The following PRKCZ variants were observed in gnomAD, a reference collection of about 807,000 sequenced individuals.
PRKCZ encodes the protein protein kinase C zeta.
Under a neutral mutation model 79.5 loss-of-function variants are expected in PRKCZ, and 33 were observed. That is an observed-to-expected ratio of 0.41 (90% CI 0.31 to 0.55). The LOEUF is 0.55. Among genes scored for constraint, PRKCZ ranks in the 20% least tolerant of loss-of-function variants. The pLI is 0.19. For synonymous variants in PRKCZ, 342 were observed against 320.9 expected, an observed-to-expected ratio of 1.07 and a Z score of -0.70; for missense variants, 578 against 813.5, an observed-to-expected ratio of 0.71 and a Z score of 3.52.
intron 2 of PRKCZ, 24 bp from the exon 3 acceptor site, chr1:2,056,460 A>T (rs770605432): frequency 1.2e-6 from 2 of 1,608,468 alleles, no homozygotes; most frequent in Non-Finnish European, 1.7e-6. Flanking sequence ...CGGCGACGTC[A>T]GCACCGTCTC....
intron 16 of PRKCZ, 89 bp downstream of exon 16, chr1:2,175,402 C>A: frequency 1.0e-6 from 1 of 986,866 alleles, no homozygotes; most frequent in Non-Finnish European, 1.5e-6. Context: ...CCCCAATATT[C>A]ACCCAACCCC....
chr1:2,132,668 G>T (rs570292049), intron 4 of PRKCZ, among the ~76,000 whole-genome samples: 1 of 152,344 alleles, frequency 6.6e-6, no homozygotes, highest in African/African-American at 2.4e-5. Context: ...GGATTTTTCA[G>T]TCCAGCATCC....
intron 4 of PRKCZ, among the ~76,000 whole-genome samples, chr1:2,107,313 C>G (rs996047308): frequency 6.6e-6 from 1 of 152,248 alleles, no homozygotes; most frequent in Admixed American, 6.5e-5. Context: ...TCCTCCCTCT[C>G]CTGAGGCAGG....
chr1:2,090,904 T>A (rs2102479958), intron 4 of PRKCZ, among the ~76,000 whole-genome samples: 1 of 152,366 alleles, frequency 6.6e-6, no homozygotes, highest in South Asian at 2.1e-4. Context: ...GGACCTCAGT[T>A]TTCTTGACAT....
At chr1:2,140,875 G>C (rs1677177855) in intron 5 of PRKCZ, among the ~76,000 whole-genome samples, 1 of 152,202 alleles carries the variant, frequency 6.6e-6, no homozygotes, top group African/African-American at 2.4e-5. Context: ...GGCTGAGACA[G>C]GAGAATCGCT....
At chr1:2,120,899 C>T (rs192015238) in intron 4 of PRKCZ, among the ~76,000 whole-genome samples, 179 of 150,118 alleles carry the variant, frequency 1.2e-3, no homozygotes, top group South Asian at 5.5e-3. Flanking sequence ...CTGCAACCTC[C>T]GCCTCCCAGG....
chr1:2,151,816 C>T (rs1277603466), intron 9 of PRKCZ, among the ~76,000 whole-genome samples: 1 of 152,040 alleles, frequency 6.6e-6, no homozygotes, highest in African/African-American at 2.4e-5. Flanking sequence ...CCACCACCCC[C>T]AGCTGTATAA....
In PRKCZ at chr1:2,125,037, G is replaced by T. The variant is rs192072767; in HGVS notation, c.335-10225G>T. The stretch of plus-strand genomic sequence containing the variant: ...GCACGTCCTCCCAGGGGCCTTGCCA[G>T]CCTGGCTCTGTGCCGGGCGCTGGGC... On this transcript the variant is annotated intron_variant, in intron 4 of 17. Transcript: ENST00000378567. This position sits in a 1 kb window ranked among gnomAD's most constrained non-coding sequence, Gnocchi z 4.2. 6.6e-6 allele frequency among the ~76,000 whole-genome samples: 1 copy of T among 152,324 alleles called. No individual in the cohort carries two copies. Among genetic ancestry groups the T allele is most frequent in the African/African-American group, 2.4e-5 (1 of 41,586 alleles).
chr1:2,069,990 C>G (rs989740549), intron 4 of PRKCZ, among the ~76,000 whole-genome samples: 1 of 152,140 alleles, frequency 6.6e-6, no homozygotes, highest in East Asian at 1.9e-4. Context: ...GGTAGCCTGG[C>G]TTTGCACCCA....
chr1:2,055,647 A>G, intron 2 of PRKCZ, 85 bp downstream of exon 2: 1 of 1,506,770 alleles, frequency 6.6e-7, no homozygotes, highest in South Asian at 1.3e-5. Flanking sequence ...GTGCTCAGCC[A>G]ATTCTGTGGG....
rs1571415338 is a variant in PRKCZ at position 2,106,467 on chromosome 1, CCAG to C, written c.335-28794_335-28792del. On this transcript the variant is annotated intron_variant, in intron 4 of 17. Transcript: ENST00000378567. ...GCCAGGCGACTCTCAGCAAGCCCCT[CCAG>C]TGGGCGAGGACCTCCACACGTGTCA... Among the ~76,000 whole-genome samples the C allele has an allele frequency of 8.1e-5, 12 of 147,972 alleles. 1 individual carries two copies. The highest frequency in any genetic ancestry group is 1.3e-4 in the Admixed American group (2 of 14,978).
In PRKCZ at chr1:2,094,273, C is replaced by T. The variant is rs1195574041; in HGVS notation, c.334+34682C>T. Among the ~76,000 whole-genome samples the T allele has an allele frequency of 1.3e-5, 2 of 152,170 alleles. No homozygotes were observed. Among genetic ancestry groups the T allele is most frequent in the African/African-American group, 2.4e-5 (1 of 41,416 alleles). On this transcript the variant is annotated intron_variant, in intron 4 of 17. Coordinates refer to ENST00000378567, the MANE Select transcript of PRKCZ (RefSeq NM_002744.6). This position sits in a 1 kb window ranked among gnomAD's most constrained non-coding sequence, Gnocchi z 7.3. ...CCTGGTGACCCGAGGGTACCCTCGG[C>T]CTCCCGGCCTGAACTCTTCTCCTAC...
chr1:2,184,544 C>G, intron 16 of PRKCZ, 39 bp from the exon 17 acceptor site: 1 of 1,508,844 alleles, frequency 6.6e-7, no homozygotes, highest in Non-Finnish European at 9.2e-7. Context: ...AGGGATGATG[C>G]CCGCGCGGAG....
intron 7 of PRKCZ, among the ~76,000 whole-genome samples, chr1:2,146,753 C>T (rs929829127): frequency 3.9e-5 from 6 of 152,172 alleles, no homozygotes; most frequent in African/African-American, 4.8e-5. Context: ...ACATAAAGCA[C>T]TTATGAGACC....
intron 9 of PRKCZ, among the ~76,000 whole-genome samples, chr1:2,154,189 A>G (rs749934954): frequency 6.6e-6 from 1 of 152,188 alleles, no homozygotes; most frequent in Admixed American, 6.5e-5. Context: ...GTCTTCAGCC[A>G]CTGGAGATGG....
intron 16 of PRKCZ, among the ~76,000 whole-genome samples, chr1:2,181,516 G>A (rs921510521): frequency 1.7e-4 from 26 of 152,220 alleles, no homozygotes; most frequent in Non-Finnish European, 3.1e-4. Flanking sequence ...AGGGGGCGGC[G>A]GTGGGAAAAG....
Position 2,158,697 on chromosome 1 carries a change from G to A in PRKCZ, c.974+2605G>A, listed in dbSNP as rs1229436513. ...TTGTAGGGATGTAGATGTATAAGGG[G>A]TCCGATATCCCACCCTCACTTCCCC... On this transcript the variant is annotated intron_variant, in intron 10 of 17. Transcript: ENST00000378567. 2.0e-5 allele frequency among the ~76,000 whole-genome samples: 3 copies of A among 152,144 alleles called. No individual in the cohort carries two copies. The East Asian group carries it at 5.8e-4, about 29-fold the overall frequency.
rs140061679 is a variant in PRKCZ at position 2,171,714 on chromosome 1, G to A, written c.1062-341G>A. ...CTGCCGGACTGTCTTCCGCAGCAGC[G>A]GCGCTGTTCTGCACTCCTACCACAA... On this transcript the variant is annotated intron_variant, in intron 11 of 17. Coordinates refer to ENST00000378567, the MANE Select transcript of PRKCZ (RefSeq NM_002744.6). 2.9e-4 allele frequency: 68 copies of A among 235,304 alleles called. No homozygotes were observed. The East Asian group carries it at 7.2e-3, about 25-fold the overall frequency. The allele number at this position is 235,304 out of a possible 1,614,324, so 14.6% of individuals were successfully genotyped here. A position where few individuals can be genotyped will look rare whatever the true frequency, so the allele number is the denominator to read the frequency against.
chr1:2,104,782 C>A, intron 4 of PRKCZ: 1 of 985,968 alleles, frequency 1.0e-6, no homozygotes, highest in Non-Finnish European at 1.2e-6. Context: ...CTGCTGCCCC[C>A]CGGGGCCGAG....
Sources: allele counts gnomAD v4.1 joint callset (sites outside exome capture counted in the v4.1 genomes callset), GRCh38; gene constraint gnomAD v4.1.1; non-coding constraint Gnocchi (gnomAD v3.1); transcripts MANE v1.5; gene names NCBI Gene and HGNC (gene_info 2026-07-23, HGNC 2026-07-21).